MEIS2: variants seen among roughly 807,000 people sequenced by gnomAD.
The protein encoded by MEIS2 is homeobox protein Meis2.
A neutral mutation model predicts 58.6 loss-of-function variants in MEIS2; 9 were observed. The ratio of observed to expected loss-of-function variants is 0.15; its 90% confidence interval spans 0.09 to 0.27. MEIS2 has a LOEUF of 0.27. Ranked by LOEUF, MEIS2 falls within the 10% of genes least tolerant of loss-of-function variation. MEIS2 has a pLI of 1.00. For synonymous variants in MEIS2, 221 were observed against 228.4 expected, an observed-to-expected ratio of 0.97 and a Z score of 0.29; for missense variants, 427 against 635.0, an observed-to-expected ratio of 0.67 and a Z score of 3.52.
intron 7 of MEIS2, among the ~76,000 whole-genome samples, chr15:37,063,239 C>T (rs1314470719): frequency 6.6e-6 from 1 of 152,178 alleles, no homozygotes; most frequent in Non-Finnish European, 1.5e-5. Context: ...CTATGTTGCT[C>T]AGGGTGGACG....
At chr15:36,998,236 G>GTTTTTTTTTTTTTTTTTTTTTTT (rs5811954) in intron 8 of MEIS2, among the ~76,000 whole-genome samples, 1 of 66,754 alleles carries the variant, frequency 1.5e-5, no homozygotes, top group African/African-American at 5.7e-5. Flanking sequence ...AAAACACAAA[G>GTTTTTTTTTTTTTTTTTTTTTTT]TTTTTTTTTT....
At chr15:37,075,786 G>A (rs1427812919) in intron 7 of MEIS2, among the ~76,000 whole-genome samples, 1 of 151,954 alleles carries the variant, frequency 6.6e-6, no homozygotes, top group African/African-American at 2.4e-5. Flanking sequence ...CCTCATACCT[G>A]GGCAGATCAG....
intron 9 of MEIS2, among the ~76,000 whole-genome samples, chr15:36,940,841 G>A (rs181083340): frequency 6.6e-6 from 1 of 152,200 alleles, no homozygotes; most frequent in East Asian, 1.9e-4. Flanking sequence ...GGACTTGATG[G>A]GGTCATAGAA....
intron 1 of MEIS2, chr15:37,099,076 G>GGCGGCAGCGGC (rs1295481176): frequency 6.4e-5 from 63 of 987,908 alleles, no homozygotes; most frequent in Non-Finnish European, 7.2e-5. Context: ...CGCGAGCCAC[G>GGCGGCAGCGGC]GCGGCAGCGG....
chr15:36,942,543 C>T (rs906149401), intron 9 of MEIS2, among the ~76,000 whole-genome samples: 2 of 152,116 alleles, frequency 1.3e-5, no homozygotes, highest in African/African-American at 2.4e-5. Flanking sequence ...TCCTCAAGAT[C>T]ACGAGGTTAA....
At chr15:37,050,897 A>G (rs2062890028) in intron 7 of MEIS2, 1 of 152,252 alleles carries the variant, frequency 6.6e-6, no homozygotes, top group Non-Finnish European at 1.5e-5. Flanking sequence ...GTTTTAATCA[A>G]TTAGTTGTAA....
At chr15:37,066,889 C>T (rs1413762122) in intron 7 of MEIS2, among the ~76,000 whole-genome samples, 2 of 151,310 alleles carry the variant, frequency 1.3e-5, no homozygotes, top group Non-Finnish European at 2.9e-5. Flanking sequence ...AGGGATCCTC[C>T]TGCCTCAGTC....
At chr15:36,975,088 A>ATATTT (rs917629199) in intron 8 of MEIS2, among the ~76,000 whole-genome samples, 2 of 152,184 alleles carry the variant, frequency 1.3e-5, no homozygotes, top group African/African-American at 2.4e-5. Flanking sequence ...TAGCCACGTT[A>ATATTT]CTTATCACTT....
intron 6 of MEIS2, among the ~76,000 whole-genome samples, chr15:37,091,866 C>A (rs1442806910): frequency 1.3e-5 from 2 of 152,044 alleles, no homozygotes; most frequent in Non-Finnish European, 2.9e-5. Flanking sequence ...TCTCATTTTA[C>A]AAACCATGTA....
chr15:36,992,970 G>A (rs772491080), intron 8 of MEIS2, among the ~76,000 whole-genome samples: 20 of 152,088 alleles, frequency 1.3e-4, no homozygotes, highest in Non-Finnish European at 2.2e-4. Flanking sequence ...AAAACTATGA[G>A]TCTTCCTAAT....
chr15:37,085,831 A>G (rs1164726262), intron 6 of MEIS2, among the ~76,000 whole-genome samples: 1 of 152,208 alleles, frequency 6.6e-6, no homozygotes, highest in Non-Finnish European at 1.5e-5. Context: ...AACCACTCCA[A>G]TAGTTTCAAG....
intron 3 of MEIS2, chr15:37,095,878 T>A (rs1270710809): frequency 1.9e-6 from 1 of 536,726 alleles, no homozygotes; most frequent in Non-Finnish European, 3.3e-6. Flanking sequence ...GAGTTCCATA[T>A]CCAGCAGTCC....
chr15:37,055,045 G>C (rs1446669722), intron 7 of MEIS2, among the ~76,000 whole-genome samples: 1 of 152,164 alleles, frequency 6.6e-6, no homozygotes, highest in African/African-American at 2.4e-5. Context: ...CTAAGGCTTA[G>C]AGAGGTGGAG....
chr15:36,901,945 T>C (rs1369179825), intron 9 of MEIS2, among the ~76,000 whole-genome samples: 3 of 152,246 alleles, frequency 2.0e-5, no homozygotes, highest in African/African-American at 4.8e-5. Context: ...TCCAGACTTA[T>C]GCATAGAGCA....
At chr15:36,958,696 G>A (rs748537856) in intron 8 of MEIS2, among the ~76,000 whole-genome samples, 3 of 152,114 alleles carry the variant, frequency 2.0e-5, no homozygotes, top group Admixed American at 6.6e-5. Flanking sequence ...TATTCCCAAG[G>A]CTAGAGAAAG....
At chr15:37,056,805 C>T (rs1187096574) in intron 7 of MEIS2, among the ~76,000 whole-genome samples, 2 of 152,212 alleles carry the variant, frequency 1.3e-5, no homozygotes, top group Admixed American at 6.5e-5. Context: ...GCCCTGACCC[C>T]CACCCTGGGC....
At chr15:37,028,663 C>CA (rs2061795733) in intron 8 of MEIS2, among the ~76,000 whole-genome samples, 1 of 152,212 alleles carries the variant, frequency 6.6e-6, no homozygotes, top group Non-Finnish European at 1.5e-5. Context: ...GCAGAAGCTA[C>CA]AGTATGCAGG....
chr15:37,072,284 GGA>G, intron 7 of MEIS2, among the ~76,000 whole-genome samples: 4 of 152,074 alleles, frequency 2.6e-5, no homozygotes, highest in Non-Finnish European at 5.9e-5. Flanking sequence ...CATATGGCCT[GGA>G]AAATCAGATT....
At chr15:37,073,503 C>T (rs1039002658) in intron 7 of MEIS2, among the ~76,000 whole-genome samples, 1 of 151,940 alleles carries the variant, frequency 6.6e-6, no homozygotes, top group Non-Finnish European at 1.5e-5. Flanking sequence ...CAATGAATAT[C>T]TTTGTGTATT....
Sources: allele counts gnomAD v4.1 joint callset (sites outside exome capture counted in the v4.1 genomes callset), GRCh38; gene constraint gnomAD v4.1.1; transcripts MANE v1.5; gene names NCBI Gene and HGNC (gene_info 2026-07-23, HGNC 2026-07-21).